TMC3: variants seen among roughly 807,000 people sequenced by gnomAD.
TMC3 encodes transmembrane channel like 3.
In TMC3, 98 loss-of-function variants were observed where a neutral mutation model predicts 110.6. That is an observed-to-expected ratio of 0.89 (90% confidence interval 0.75 to 1.05). The LOEUF (loss-of-function observed/expected upper bound fraction) is 1.05, where lower values mean the gene tolerates loss of function less well. Ranked by LOEUF, TMC3 falls within the 50% of genes least tolerant of loss-of-function variation. TMC3 has a pLI of 0.00. For synonymous variants in TMC3, 489 were observed against 513.1 expected (o/e 0.95, Z 0.63); for missense variants, 1,319 against 1,373.2 (o/e 0.96, Z 0.62).
chr15:81,368,283 C>A lies in TMC3; in HGVS notation c.282G>T (p.Arg94Ser), dbSNP rs1365155063. The A allele has an allele frequency of 6.2e-7, 1 of 1,613,688 alleles. No individual in the cohort carries two copies. Among genetic ancestry groups the A allele is most frequent in the East Asian group, 2.2e-5 (1 of 44,864 alleles). Residue 94 changes from arginine to serine, a missense_variant, in exon 3 of 22, where the codon AGG becomes AGT. By Grantham distance (110) the Arg-to-Ser change is moderately radical. Transcript: ENST00000359440. ...CACCTGCTGCTTGGTAGCCTCGGGT[C>A]CTGGTCAGCCTCCCTTCAAACTTCA... is the stretch of plus-strand genomic sequence containing the variant. ...IVLKFEGRLT[R>S]TRGYQAAGAE...
intron 9 of TMC3, among the ~76,000 whole-genome samples, chr15:81,355,516 C>G (rs1460018785): frequency 6.6e-6 from 1 of 152,152 alleles, no homozygotes; most frequent in Admixed American, 6.5e-5. Flanking sequence ...CCCTGTGACC[C>G]TTGTTACAGG....
chr15:81,363,843 G>A (rs983554343), intron 3 of TMC3, among the ~76,000 whole-genome samples: 2 of 152,158 alleles, frequency 1.3e-5, no homozygotes, highest in Non-Finnish European at 2.9e-5. Flanking sequence ...CCAGTATCCC[G>A]AGGAAGGGGT....
intron 3 of TMC3, among the ~76,000 whole-genome samples, chr15:81,363,595 A>C (rs907889970): frequency 6.6e-5 from 10 of 152,246 alleles, no homozygotes; most frequent in Non-Finnish European, 1.3e-4. Context: ...AGTTTATCAG[A>C]AGTTGTTCAT....
At chr15:81,339,599 T>G in intron 16 of TMC3, 95 bp from the exon 17 acceptor site, 1 of 935,284 alleles carries the variant, frequency 1.1e-6, no homozygotes, top group East Asian at 2.6e-5. Flanking sequence ...ACGGTTGCCC[T>G]GACTCTTTGC....
chr15:81,342,962 G>A (rs890837942), intron 15 of TMC3: 16 of 266,254 alleles, frequency 6.0e-5, no homozygotes, highest in African/African-American at 8.9e-5. Context: ...AAGTCCTCAC[G>A]AGGGAGAAGC....
rs368433790 is a variant in TMC3, at chr15:81,345,001, G to A, written c.1283C>T (p.Thr428Ile). The A allele has an allele frequency of 3.2e-6, 5 of 1,574,944 alleles. No individual in the cohort carries two copies. In the African/African-American group the frequency reaches 5.4e-5, roughly 17 times the overall value. ...VNSMSIEEMATKNNTSHWIDS... is the reference protein window; with the variant it reads ...VNSMSIEEMAIKNNTSHWIDS... Reference sequence around the variant, plus strand: ...TATCCAATGACTTGTGTTATTTTTGGTAGCCATTTCCTGGGGAGAGAGAGA... The same window carrying A: ...TATCCAATGACTTGTGTTATTTTTGATAGCCATTTCCTGGGGAGAGAGAGA... Residue 428 changes from threonine (T) to isoleucine (I), a missense_variant, in exon 13 of 22, where the codon ACC (threonine) becomes ATC (isoleucine). Coordinates refer to ENST00000359440, the MANE Select transcript of TMC3 (RefSeq NM_001080532.3).
In TMC3 at chr15:81,332,518, G is replaced by A. The variant is rs1423040825; in HGVS notation, c.3204C>T (p.Gly1068=). ...GCTGGCCCACGGACCTCGGGAACCT[G>A]CCCTGGCTGTGGGTGACCTGCAGGT... ...DQYLQVTHSQ[G]RFPRSVGQPS... Residue 1068 remains glycine, a synonymous_variant, in exon 22 of 22, where the codon GGC becomes GGT. Coordinates refer to ENST00000359440, the MANE Select transcript of TMC3 (RefSeq NM_001080532.3). 5.6e-6 allele frequency: 9 copies of A among 1,613,728 alleles called. No individual in the cohort carries two copies. Among genetic ancestry groups the A allele is most frequent in the East Asian group, 4.5e-5 (2 of 44,874 alleles).
chr15:81,372,843 T>G, intron 1 of TMC3, 106 bp from the exon 2 acceptor site: 5 of 1,177,296 alleles, frequency 4.2e-6, no homozygotes, highest in Non-Finnish European at 6.0e-6. Context: ...CCTAGGGTCA[T>G]CTGTATGAAA....
Position 81,344,017 on chromosome 15 carries a change from A to G in TMC3, c.1547T>C (p.Met516Thr), listed in dbSNP as rs752200467. The change falls in exon 14 of 22, where the codon ATG becomes ACG. Residue 516 changes from methionine (M) to threonine (T), a missense_variant. Coordinates refer to ENST00000359440, the MANE Select transcript of TMC3 (RefSeq NM_001080532.3). ...CAGAATGCTCGCCACGGTGAAGAGCATGTCAATGATGGAGAGCTTCAGCAT... is the reference window on the plus strand; with the variant it reads ...CAGAATGCTCGCCACGGTGAAGAGCGTGTCAATGATGGAGAGCTTCAGCAT... ...QEMLKLSIID[M>T]LFTVASILLI... 144 of 1,611,802 alleles carry G rather than the reference A, an allele frequency of 8.9e-5. No homozygotes were observed. Among genetic ancestry groups the G allele is most frequent in the Non-Finnish European group, 1.1e-4 (132 of 1,179,140 alleles).
In TMC3 at chr15:81,356,429, A is replaced by T; in HGVS notation, c.891+18T>A. 1 of 1,559,398 alleles carries T rather than the reference A, an allele frequency of 6.4e-7. No homozygotes were observed. The highest frequency in any genetic ancestry group is 1.2e-5 in the South Asian group (1 of 84,348). ...TGAGCTGCCCACCCCCGCAGGCTGC[A>T]CAGGCTCACTCACTCACCCTGATGC... On this transcript the variant is annotated intron_variant, in intron 8 of 21. Transcript: ENST00000359440.
At chr15:81,361,202 A>C (rs1894180349) in intron 4 of TMC3, among the ~76,000 whole-genome samples, 2 of 152,082 alleles carry the variant, frequency 1.3e-5, no homozygotes, top group South Asian at 4.1e-4. Context: ...TTAGGTAATT[A>C]AAAATAACAG....
In TMC3 at chr15:81,338,754, A is replaced by T. The variant is rs1395900914; in HGVS notation, c.1982T>A (p.Val661Glu). The T allele has an allele frequency of 6.2e-7, 1 of 1,613,948 alleles. No homozygotes were observed. Among genetic ancestry groups the T allele is most frequent in the Non-Finnish European group, 8.5e-7 (1 of 1,179,854 alleles). The stretch of plus-strand genomic sequence containing the variant: ...AAAGTCTTTCTCAATCGTTTCTGAC[A>T]CAATGTCATAAATTTTCTCTTGTCC... Reference protein sequence around the residue: ...FSGQEKIYDIVSETIEKDFPV... With the variant: ...FSGQEKIYDIESETIEKDFPV... The change falls in exon 18 of 22, where the codon GTG becomes GAG. Residue 661 changes from valine to glutamate, a missense_variant. Val to Glu is a moderately radical substitution (Grantham distance 121, BLOSUM62 -2). Coordinates refer to ENST00000359440, the MANE Select transcript of TMC3 (RefSeq NM_001080532.3).
Position 81,351,779 on chromosome 15 carries a change from C to T in TMC3, c.998G>A (p.Ser333Asn). Residue 333 changes from serine (S) to asparagine (N), a missense_variant, in exon 10 of 22, where the codon AGC (serine) becomes AAC (asparagine). Physicochemically the swap from Ser to Asn is conservative, Grantham distance 46. Transcript: ENST00000359440. Reference sequence around the variant, plus strand: ...CACCACAAAGTAGATGAGATAAATGCTCCCAGCCAGTGAGAGAAGCACCAG... The same window carrying T: ...CACCACAAAGTAGATGAGATAAATGTTCCCAGCCAGTGAGAGAAGCACCAG... ...NILVLLSLAG[S>N]IYLIYFVVDR... is the part of the protein sequence containing the mutation. The T allele has an allele frequency of 6.2e-7, 1 of 1,607,644 alleles. No homozygotes were observed. Among genetic ancestry groups the T allele is most frequent in the Non-Finnish European group, 8.5e-7 (1 of 1,177,104 alleles).
intron 2 of TMC3, among the ~76,000 whole-genome samples, chr15:81,369,136 T>C (rs1164471129): frequency 6.6e-6 from 1 of 152,064 alleles, no homozygotes; most frequent in Non-Finnish European, 1.5e-5. Flanking sequence ...TTAGTTCTTC[T>C]GAATTAGCCA....
chr15:81,358,094 C>T, intron 7 of TMC3, 55 bp downstream of exon 7: 3 of 1,484,008 alleles, frequency 2.0e-6, no homozygotes, highest in South Asian at 1.4e-5. Flanking sequence ...GAAAATACTT[C>T]CATTACACAT....
At chr15:81,346,561 T>A (rs749681050) in intron 11 of TMC3, 118 bp from the exon 12 acceptor site, 5 of 986,990 alleles carry the variant, frequency 5.1e-6, no homozygotes, top group Non-Finnish European at 7.8e-6. Context: ...GCTGCCACAC[T>A]TGGTTTCCTC....
chr15:81,372,296 C>T (rs1035538214), intron 2 of TMC3, among the ~76,000 whole-genome samples: 4 of 151,286 alleles, frequency 2.6e-5, no homozygotes, highest in African/African-American at 7.3e-5. Context: ...CACACACCCC[C>T]AACACAGACA....
chr15:81,370,450 G>A (rs1596099424), intron 2 of TMC3, among the ~76,000 whole-genome samples: 1 of 152,166 alleles, frequency 6.6e-6, no homozygotes, highest in East Asian at 1.9e-4. Flanking sequence ...GCCGCTGGCT[G>A]AACACATGGC....
chr15:81,374,083 C>T lies in TMC3; in HGVS notation c.-6G>A. On this transcript the variant is annotated 5_prime_UTR_variant, in exon 1 of 22. Transcript: ENST00000359440. The stretch of plus-strand genomic sequence containing the variant: ...GATGCCTTCGAGGTTTTCATGGGAG[C>T]TAACCCACTGCTAACAATCAGAAGC... 1 of 1,613,190 alleles carries T rather than the reference C, an allele frequency of 6.2e-7. No individual in the cohort carries two copies. The highest frequency in any genetic ancestry group is 8.5e-7 in the Non-Finnish European group (1 of 1,179,504).
Sources: allele counts gnomAD v4.1 joint callset (sites outside exome capture counted in the v4.1 genomes callset), GRCh38; gene constraint gnomAD v4.1.1; transcripts MANE v1.5; gene names NCBI Gene and HGNC (gene_info 2026-07-23, HGNC 2026-07-21).